The following UPP2 variants were observed in gnomAD, a reference collection of about 807,000 sequenced individuals.
UPP2 encodes uridine phosphorylase 2, also known as UPase 2.
In UPP2, 23 loss-of-function variants were observed where a neutral mutation model predicts 26.7. The observed-to-expected ratio is 0.86, with a 90% confidence interval of 0.62 to 1.22. UPP2 has a LOEUF of 1.22. UPP2 is among the 50% of genes most tolerant of loss of function. The pLI is 0.00. For synonymous variants in UPP2, 127 were observed against 141.3 expected (o/e 0.90, Z 0.72); for missense variants, 387 against 396.7 (o/e 0.98, Z 0.21).
In UPP2 at chr2:158,123,757, C is replaced by T. The variant is rs773501859; in HGVS notation, c.673C>T (p.Arg225Ter). Residue 225 changes from arginine (R) to a stop codon, truncating the protein, a stop_gained, in exon 6 of 7, where the codon CGA (arginine) becomes TGA (stop). Transcript: ENST00000005756. LOFTEE classifies it high-confidence loss of function. ...CTYDFYEGQG[R>*]LDGALCSFSR... ...TCTCCCCTCCCTTTCAGGCCAAGGC[C>T]GACTAGATGGAGCACTGTGCTCCTT... The T allele has an allele frequency of 3.0e-5, 49 of 1,613,494 alleles. No individual in the cohort carries two copies. The Middle Eastern group carries it at 4.9e-4, about 16-fold the overall frequency.
chr2:158,065,359 T>G (rs891028233), intron 3 of UPP2, among the ~76,000 whole-genome samples: 2 of 152,236 alleles, frequency 1.3e-5, no homozygotes, highest in Admixed American at 6.5e-5. Flanking sequence ...TATTACTGGA[T>G]TGAAGAAGTG....
intron 3 of UPP2, among the ~76,000 whole-genome samples, chr2:158,072,952 A>G (rs1341130837): frequency 6.6e-6 from 1 of 152,108 alleles, no homozygotes; most frequent in African/African-American, 2.4e-5. Flanking sequence ...TATCAAGACC[A>G]TCCAGGAAAA....
At chr2:158,076,264 T>C (rs77843777) in intron 3 of UPP2, among the ~76,000 whole-genome samples, 9,977 of 152,014 alleles carry the variant, frequency 0.066, 601 homozygotes, top group East Asian at 0.14. Context: ...TAATACCAAC[T>C]TTATTCAAAC....
intron 2 of UPP2, among the ~76,000 whole-genome samples, chr2:157,999,007 G>C (rs1181007154): frequency 6.6e-6 from 1 of 151,936 alleles, no homozygotes; most frequent in Non-Finnish European, 1.5e-5. Context: ...AAATTCTGTT[G>C]ATCTTTTTCA....
At chr2:158,127,745 T>C (rs974713569) in intron 6 of UPP2, among the ~76,000 whole-genome samples, 8 of 152,240 alleles carry the variant, frequency 5.3e-5, no homozygotes, top group African/African-American at 1.9e-4. Context: ...CAGAAGTCAC[T>C]GTTGCTATCC....
At chr2:158,094,027 C>CA (rs1682951129) in intron 3 of UPP2, among the ~76,000 whole-genome samples, 1 of 149,776 alleles carries the variant, frequency 6.7e-6, no homozygotes, top group Non-Finnish European at 1.5e-5. Flanking sequence ...ACATATCTAC[C>CA]ATATATATAC....
In UPP2 at chr2:158,108,591, A is replaced by G. The variant is rs374840592; in HGVS notation, c.180+2375A>G. Among the ~76,000 whole-genome samples, 157 of 151,204 alleles carry G rather than the reference A, an allele frequency of 1.0e-3. 4 individuals are homozygous for G. In the South Asian group the frequency reaches 0.024, roughly 23 times the overall value. ...ACTCACATGTATGTATCTCTCTCACACACGCACACACACAGACACACACAC... is the reference window on the plus strand; with the variant it reads ...ACTCACATGTATGTATCTCTCTCACGCACGCACACACACAGACACACACAC... On this transcript the variant is annotated intron_variant, in intron 2 of 6. Coordinates refer to ENST00000005756, the MANE Select transcript of UPP2 (RefSeq NM_173355.4).
At position 158,129,598 on chromosome 2, in the gene UPP2, A is replaced by C. The variant is rs971280859; in HGVS notation, c.812-5150A>C. On this transcript the variant is annotated intron_variant, in intron 6 of 6. Coordinates refer to ENST00000005756, the MANE Select transcript of UPP2 (RefSeq NM_173355.4). ...CTCTCTCCACTATTCCATAAGGTGC[A>C]AAAAAGTAATATATTCATCTATCGA... is the stretch of plus-strand genomic sequence containing the variant. 1.8e-4 allele frequency among the ~76,000 whole-genome samples: 27 copies of C among 151,502 alleles called. 1 individual carries two copies. Among genetic ancestry groups the C allele is most frequent in the Admixed American group, 9.2e-4 (14 of 15,278 alleles).
At chr2:158,003,387 A>G (rs781617594) in intron 2 of UPP2, among the ~76,000 whole-genome samples, 24 of 152,188 alleles carry the variant, frequency 1.6e-4, no homozygotes, top group Non-Finnish European at 3.1e-4. Flanking sequence ...CAGCCTTCAC[A>G]TTATTTGGGA....
intron 3 of UPP2, among the ~76,000 whole-genome samples, chr2:158,048,783 G>A (rs1682096486): frequency 6.6e-6 from 1 of 152,158 alleles, no homozygotes; most frequent in Admixed American, 6.5e-5. Flanking sequence ...CCATCTTCTT[G>A]CTTCCCTGGG....
intron 3 of UPP2, among the ~76,000 whole-genome samples, chr2:158,036,582 C>G (rs948735370): frequency 4.6e-5 from 7 of 152,196 alleles, no homozygotes; most frequent in African/African-American, 1.7e-4. Flanking sequence ...AGAAATTTTG[C>G]TAGCTCTTAT....
chr2:158,033,221 T>C (rs897204541), intron 3 of UPP2, among the ~76,000 whole-genome samples: 6 of 151,972 alleles, frequency 3.9e-5, no homozygotes, highest in African/African-American at 1.5e-4. Context: ...ATAAAGGTGT[T>C]TAGTTTCTGA....
chr2:158,034,931 G>A (rs1683977383), intron 3 of UPP2, among the ~76,000 whole-genome samples: 2 of 152,136 alleles, frequency 1.3e-5, no homozygotes, highest in African/African-American at 2.4e-5. Context: ...CACATCAGAA[G>A]CCCCAGAGCC....
chr2:158,003,353 A>G (rs1276045974), intron 2 of UPP2, among the ~76,000 whole-genome samples: 1 of 152,166 alleles, frequency 6.6e-6, no homozygotes, highest in East Asian at 1.9e-4. Flanking sequence ...TTCGATGAAT[A>G]AATAAATTGA....
At chr2:158,045,478 G>GT (rs1311529610) in intron 3 of UPP2, among the ~76,000 whole-genome samples, 1 of 152,144 alleles carries the variant, frequency 6.6e-6, no homozygotes, top group African/African-American at 2.4e-5. Flanking sequence ...GTAATTTGGG[G>GT]TACTGAAGTG....
At chr2:158,109,921 GA>G (rs1683276653) in intron 2 of UPP2, among the ~76,000 whole-genome samples, 1 of 152,144 alleles carries the variant, frequency 6.6e-6, no homozygotes, top group African/African-American at 2.4e-5. Flanking sequence ...GAGGAAAAAT[GA>G]AAATACAACA....
chr2:158,001,760 T>A (rs1169658240), intron 2 of UPP2, among the ~76,000 whole-genome samples: 2 of 152,118 alleles, frequency 1.3e-5, no homozygotes, highest in African/African-American at 4.8e-5. Context: ...GCTCTGAATT[T>A]CTATAACCTG....
chr2:158,017,568 A>G (rs1683680276), intron 3 of UPP2, among the ~76,000 whole-genome samples: 2 of 152,226 alleles, frequency 1.3e-5, no homozygotes. Flanking sequence ...TTCAAAAGTT[A>G]AAGCTAGGTA....
Position 158,055,945 on chromosome 2 carries a change from G to A in UPP2, c.147+40059G>A, listed in dbSNP as rs552683713. ...CCCTACATCCCTGGCACATTTCCTG[G>A]CATACAGTGAATGAATGGAAGGTTA... On this transcript the variant is annotated intron_variant, in intron 3 of 9. Transcript: ENST00000605860. 5.9e-5 allele frequency among the ~76,000 whole-genome samples: 9 copies of A among 152,292 alleles called. 1 individual carries two copies. In the East Asian group the frequency reaches 1.5e-3, roughly 26 times the overall value.
Sources: gnomAD v4.1 joint callset for allele counts (sites outside exome capture counted in the v4.1 genomes callset) on GRCh38, gnomAD v4.1.1 for gene constraint, MANE v1.5 for transcripts, NCBI Gene and HGNC (gene_info 2026-07-23, HGNC 2026-07-21) for gene names.